Variants in GRTP1 observed in about 807,000 individuals in gnomAD.
GRTP1 encodes the protein growth hormone regulated TBC protein 1, also known as growth hormone-regulated TBC protein 1.
A neutral mutation model predicts 38.1 loss-of-function variants in GRTP1; 56 were observed. The ratio of observed to expected loss-of-function variants is 1.47; its 90% confidence interval spans 1.19 to 1.84. The LOEUF (loss-of-function observed/expected upper bound fraction) is 1.84, where lower values mean the gene tolerates loss of function less well. GRTP1 is among the 40% of genes most tolerant of loss of function. The probability of loss-of-function intolerance (pLI) is 0.00; values close to 1 mark genes in which losing one functional copy is unlikely to be tolerated. For synonymous variants in GRTP1, 217 were observed against 189.5 expected (o/e 1.14, Z -1.19); for missense variants, 506 against 453.9 (o/e 1.11, Z -1.04).
At chr13:113,345,538 G>C (rs2043089698) in intron 4 of GRTP1, among the ~76,000 whole-genome samples, 1 of 152,236 alleles carries the variant, frequency 6.6e-6, no homozygotes, top group South Asian at 2.1e-4. Flanking sequence ...ATTTCCAGGT[G>C]ACTGCGTTTT....
intron 5 of GRTP1, among the ~76,000 whole-genome samples, chr13:113,330,394 A>G (rs986907093): frequency 3.9e-5 from 4 of 102,724 alleles, no homozygotes; most frequent in African/African-American, 7.9e-5. Context: ...ATGGAAGCCC[A>G]GGTGTGTGCA....
At chr13:113,325,498 C>G (rs2042746349) in intron 7 of GRTP1, 163 bp downstream of exon 7, 1 of 1,478,470 alleles carries the variant, frequency 6.8e-7, no homozygotes, top group Non-Finnish European at 8.9e-7. Context: ...CCTCGGAGGC[C>G]AGGCGCAGGG....
intron 3 of GRTP1, among the ~76,000 whole-genome samples, chr13:113,352,312 T>A (rs1364082344): frequency 1.9e-5 from 1 of 51,568 alleles, no homozygotes; most frequent in Non-Finnish European, 4.1e-5. Flanking sequence ...TTTATATATA[T>A]TTTATATATA....
Position 113,343,309 on chromosome 13 carries a change from T to C in GRTP1, c.562+1554A>G, listed in dbSNP as rs2043051133. Among the ~76,000 whole-genome samples, 1 of 152,134 alleles carries C rather than the reference T, an allele frequency of 6.6e-6. No individual in the cohort carries two copies. Among genetic ancestry groups the C allele is most frequent in the East Asian group, 1.9e-4 (1 of 5,182 alleles). ...GAGACAGCCGGCATCCTTTCCGCCC[T>C]GCGAGGTTCTGCCTGCTGCTGCTGC... On this transcript the variant is annotated intron_variant, in intron 5 of 7. Transcript: ENST00000375431. This position sits in a 1 kb window ranked among gnomAD's most constrained non-coding sequence, Gnocchi z 4.8.
chr13:113,324,750 G>A, intron 7 of GRTP1, 173 bp from the exon 8 acceptor site: 1 of 1,382,314 alleles, frequency 7.2e-7, no homozygotes. Context: ...CTGCCCTGGG[G>A]CCTAGGACTG....
intron 5 of GRTP1, among the ~76,000 whole-genome samples, chr13:113,332,795 G>A (rs2042896207): frequency 2.0e-5 from 3 of 152,232 alleles, no homozygotes; most frequent in African/African-American, 7.2e-5. Context: ...AGCCTGTCCT[G>A]CAGACTCGAG....
intron 5 of GRTP1, among the ~76,000 whole-genome samples, chr13:113,340,147 C>T (rs1311344436): frequency 6.7e-6 from 1 of 150,230 alleles, no homozygotes; most frequent in African/African-American, 2.4e-5. Context: ...TAGCTGGGAC[C>T]GCAGGCATGC....
Position 113,324,319 on chromosome 13 carries a change from G to T in GRTP1, c.*169C>A. 1 of 1,006,148 alleles carries T rather than the reference G, an allele frequency of 9.9e-7. No individual in the cohort carries two copies. Among genetic ancestry groups the T allele is most frequent in the Non-Finnish European group, 1.3e-6 (1 of 752,812 alleles). The allele number at this position is 1,006,148 out of a possible 1,614,324, so 62.3% of individuals were successfully genotyped here. On this transcript the variant is annotated 3_prime_UTR_variant, in exon 8 of 8. Coordinates refer to ENST00000375431, the MANE Select transcript of GRTP1 (RefSeq NM_024719.4). ...ACTTCATAGCTAATCATCAAAAGCT[G>T]GTAGAATGACCTGATTTTAAACTGC...
intron 5 of GRTP1, among the ~76,000 whole-genome samples, chr13:113,328,493 A>G (rs890311112): frequency 1.2e-4 from 19 of 152,150 alleles, no homozygotes; most frequent in African/African-American, 3.4e-4. Context: ...TGGTGCTTTC[A>G]ATTAGAAAAC....
At chr13:113,338,903 C>T (rs2042990939) in intron 5 of GRTP1, among the ~76,000 whole-genome samples, 1 of 138,384 alleles carries the variant, frequency 7.2e-6, no homozygotes, top group African/African-American at 2.6e-5. Context: ...TCTTTTTCTG[C>T]TTAGATTTTT....
chr13:113,325,580 C>A, intron 7 of GRTP1, 81 bp downstream of exon 7: 1 of 1,607,014 alleles, frequency 6.2e-7, no homozygotes, highest in South Asian at 1.1e-5. Context: ...GTGCACCCTC[C>A]GGGTGGTCAG....
In GRTP1 at chr13:113,347,155, C is replaced by T. The variant is rs866142038; in HGVS notation, c.466-2196G>A. ...GGACCTCTGTGGCAGAGAGCAGACC[C>T]GGGAGGACCTCTGTGGCAGAGAGCA... is the stretch of plus-strand genomic sequence containing the variant. On this transcript the variant is annotated intron_variant, in intron 4 of 7. Transcript: ENST00000375431. Among the ~76,000 whole-genome samples, 36 of 60,692 alleles carry T rather than the reference C, an allele frequency of 5.9e-4. 10 individuals carry two copies. Among genetic ancestry groups the T allele is most frequent in the African/African-American group, 2.6e-3 (36 of 14,084 alleles). 39.8% of individuals were successfully genotyped at this position (60,692 alleles called of 152,430 possible).
chr13:113,363,736 GACCC>G, intron 2 of GRTP1, 22 bp downstream of exon 2: 1 of 1,595,974 alleles, frequency 6.3e-7, no homozygotes, highest in Non-Finnish European at 8.5e-7. Flanking sequence ...GCGCCCTCGG[GACCC>G]ACCTGCGCCC....
At position 113,348,443 on chromosome 13, in the gene GRTP1, C is replaced by T. The variant is rs947407276; in HGVS notation, c.465+2406G>A. Among the ~76,000 whole-genome samples, 2 of 152,120 alleles carry T rather than the reference C, an allele frequency of 1.3e-5. No homozygotes were observed. Among genetic ancestry groups the T allele is most frequent in the African/African-American group, 2.4e-5 (1 of 41,416 alleles). ...TCCAGCCTGGGTGACAGAGCGAGAC[C>T]GTGTGCACTGTGTAACTCTACACAT... On this transcript the variant is annotated intron_variant, in intron 4 of 7. Transcript: ENST00000375431. The surrounding 1 kb of genome is among the most constrained non-coding windows in gnomAD (Gnocchi z 4.8).
At position 113,361,109 on chromosome 13, in the gene GRTP1, CAAA is replaced by C. The variant is rs57785391; in HGVS notation, c.181+2650_181+2652del. On this transcript the variant is annotated intron_variant, in intron 2 of 7. Transcript: ENST00000375431. ...AGGCTGACAGAGCTAGACTTTGACT[CAAA>C]AAAAAAAAAAAAAAAAAAATTAAAG... Among the ~76,000 whole-genome samples, 646 of 92,930 alleles carry C rather than the reference CAAA, an allele frequency of 7.0e-3. 4 individuals are homozygous for C. The highest frequency in any genetic ancestry group is 0.019 in the Middle Eastern group (3 of 160). 61.0% of individuals were successfully genotyped at this position (92,930 alleles called of 152,430 possible). A position where few individuals can be genotyped will look rare whatever the true frequency, so the allele number is the denominator to read the frequency against.
intron 2 of GRTP1, among the ~76,000 whole-genome samples, chr13:113,356,095 G>A (rs1478335847): frequency 1.3e-5 from 2 of 152,154 alleles, no homozygotes; most frequent in East Asian, 1.9e-4. Flanking sequence ...AGTCAATACT[G>A]AGTAATTTCT....
chr13:113,325,443 GCAGTGC>G (rs1184767810), intron 7 of GRTP1: 2 of 1,443,634 alleles, frequency 1.4e-6, no homozygotes, highest in Non-Finnish European at 1.8e-6. Flanking sequence ...AGCAGCGTCC[GCAGTGC>G]CAGGGCCAAG....
At chr13:113,363,568 C>T (rs1420128532) in intron 2 of GRTP1, among the ~76,000 whole-genome samples, 194 bp downstream of exon 2, 1 of 152,204 alleles carries the variant, frequency 6.6e-6, no homozygotes, top group African/African-American at 2.4e-5. Flanking sequence ...TCCTTCGCGT[C>T]CGACCCGCCG....
intron 5 of GRTP1, among the ~76,000 whole-genome samples, chr13:113,329,970 A>G (rs1251638543): frequency 6.6e-6 from 1 of 152,228 alleles, no homozygotes; most frequent in Non-Finnish European, 1.5e-5. Context: ...TGTGCATGGA[A>G]AACCAGGTGT....
Sources: allele counts gnomAD v4.1 joint callset (sites outside exome capture counted in the v4.1 genomes callset), GRCh38; gene constraint gnomAD v4.1.1; non-coding constraint Gnocchi (gnomAD v3.1); transcripts MANE v1.5; gene names NCBI Gene and HGNC (gene_info 2026-07-23, HGNC 2026-07-21).